The following CD177 variants were observed in gnomAD, a reference collection of about 807,000 sequenced individuals.
CD177 encodes CD177 molecule, also known as CD177 antigen.
Under a neutral mutation model 38.1 loss-of-function variants are expected in CD177, and 41 were observed. That is an observed-to-expected ratio of 1.07 (90% CI 0.84 to 1.39). CD177 has a LOEUF of 1.39. Ranked by LOEUF, CD177 falls within the 40% of genes most tolerant of loss-of-function variation. CD177 has a pLI of 0.00. For synonymous variants in CD177, 236 were observed against 216.7 expected (o/e 1.09, Z -0.78); for missense variants, 619 against 523.8 (o/e 1.18, Z -1.77).
At chr19:43,361,791 G>A (rs890546875) in intron 8 of CD177, among the ~76,000 whole-genome samples, 1 of 147,300 alleles carries the variant, frequency 6.8e-6, no homozygotes, top group African/African-American at 2.5e-5. Context: ...TCCCAGGGAG[G>A]AGGGGCTGGG....
chr19:43,362,288 C>G lies in CD177; in HGVS notation c.1282C>G (p.Leu428Val), dbSNP rs1468198577. 1.9e-6 allele frequency: 3 copies of G among 1,584,778 alleles called. No individual in the cohort carries two copies. In the African/African-American group the frequency reaches 4.0e-5, roughly 21 times the overall value. Residue 428 changes from leucine (L) to valine (V), a missense_variant, in exon 9 of 9, where the codon CTG becomes GTG. Transcript: ENST00000618265. ...WGVGLALAPA[L>V]WWGVVCPSC is the part of the protein sequence containing the mutation. Reference sequence around the variant, plus strand: ...GGTGGGGCTGGCACTGGCCCCAGCGCTGTGGTGGGGAGTGGTTTGCCCTTC... The same window carrying G: ...GGTGGGGCTGGCACTGGCCCCAGCGGTGTGGTGGGGAGTGGTTTGCCCTTC...
Position 43,354,205 on chromosome 19 carries a change from A to G in CD177, c.194-2A>G, listed in dbSNP as rs1350344949. 2 of 1,611,768 alleles carry G rather than the reference A, an allele frequency of 1.2e-6. No homozygotes were observed. The highest frequency in any genetic ancestry group is 4.5e-5 in the East Asian group (2 of 44,808). On this transcript the variant is annotated splice_acceptor_variant, in intron 2 of 8. Transcript: ENST00000618265. LOFTEE classifies it high-confidence loss of function. ...CTCGCTTGCCTCCCTCTTTCGGTCC[A>G]GGACCCCAAGTGAGCCTGGTGCTCT... is the stretch of plus-strand genomic sequence containing the variant.
rs1221949038 is a variant in CD177 at position 43,361,273 on chromosome 19, C to T, written c.891C>T (p.Asp297=). 139 of 1,547,724 alleles carry T rather than the reference C, an allele frequency of 9.0e-5. No homozygotes were observed. In the African/African-American group the frequency reaches 1.8e-3, roughly 20 times the overall value. ...VASYTHFCSS[D]LCNSASSSSV... ...CCTATACCCACTTCTGCTCCTCGGACCTGTGCAATAGTGCCAGCAGCAGCA... is the reference window on the plus strand; with the variant it reads ...CCTATACCCACTTCTGCTCCTCGGATCTGTGCAATAGTGCCAGCAGCAGCA... Residue 297 remains aspartate (D), a synonymous_variant, in exon 7 of 9, where the codon GAC becomes GAT. Coordinates refer to ENST00000618265, the MANE Select transcript of CD177 (RefSeq NM_020406.4).
At position 43,362,364 on chromosome 19, in the gene CD177, C is replaced by A. The variant is rs1234456926; in HGVS notation, c.*44C>A. Reference sequence around the variant, plus strand: ...TCTTCACCGCTGCTGACCACCCACACTCAACCTCCCTCTGACCTCATAACC... The same window carrying A: ...TCTTCACCGCTGCTGACCACCCACAATCAACCTCCCTCTGACCTCATAACC... On this transcript the variant is annotated 3_prime_UTR_variant, in exon 9 of 9. Transcript: ENST00000618265. 1 of 838,996 alleles carries A rather than the reference C, an allele frequency of 1.2e-6. No homozygotes were observed. The highest frequency in any genetic ancestry group is 1.9e-6 in the Non-Finnish European group (1 of 530,204). The allele number at this position is 838,996 out of a possible 1,614,324, so 52.0% of individuals were successfully genotyped here. A position where few individuals can be genotyped will look rare whatever the true frequency, so the allele number is the denominator to read the frequency against.
rs371980619 is a variant in CD177, at chr19:43,354,353, G to T, written c.340G>T (p.Val114Phe). 1.2e-6 allele frequency: 2 copies of T among 1,613,892 alleles called. No homozygotes were observed. The highest frequency in any genetic ancestry group is 1.7e-6 in the Non-Finnish European group (2 of 1,179,850). The change falls in exon 3 of 9, where the codon GTT becomes TTT. Residue 114 changes from valine to phenylalanine, a missense_variant. Transcript: ENST00000618265. ...CRQEDFCNNL[V>F]NSLPLWAPQP... ...CCAGGAGGACTTCTGCAACAACCTCGTTAACTCCCTCCCGCTTTGGGCCCC... is the reference window on the plus strand; with the variant it reads ...CCAGGAGGACTTCTGCAACAACCTCTTTAACTCCCTCCCGCTTTGGGCCCC...
intron 8 of CD177, among the ~76,000 whole-genome samples, 164 bp downstream of exon 8, chr19:43,361,743 G>T: frequency 6.8e-6 from 1 of 146,734 alleles, no homozygotes; most frequent in Non-Finnish European, 1.5e-5. Flanking sequence ...CTGGACTCCT[G>T]GTCTGAGGGA....
At chr19:43,355,550 A>G in intron 3 of CD177, 111 bp from the exon 4 acceptor site, 1 of 1,299,334 alleles carries the variant, frequency 7.7e-7, no homozygotes, top group South Asian at 1.2e-5. Flanking sequence ...CCCCTTTGGG[A>G]AGGCTGAGCA....
Position 43,361,462 on chromosome 19 carries a change from G to A in CD177, c.964G>A (p.Asp322Asn), listed in dbSNP as rs760429281. ...CTCCCCAGCTGCCCCTGTCCCAGGA[G>A]ACCGGCAGTGTCCTACCTGTGTGCA... Reference protein sequence around the residue: ...LPPQAAPVPGDRQCPTCVQPL... With the variant: ...LPPQAAPVPGNRQCPTCVQPL... Residue 322 changes from aspartate (D) to asparagine (N), a missense_variant, in exon 8 of 9, where the codon GAC becomes AAC. Coordinates refer to ENST00000618265, the MANE Select transcript of CD177 (RefSeq NM_020406.4). 6.3e-6 allele frequency: 10 copies of A among 1,583,766 alleles called. No individual in the cohort carries two copies. The highest frequency in any genetic ancestry group is 8.6e-6 in the Non-Finnish European group (10 of 1,159,350).
Position 43,360,259 on chromosome 19 carries a change from C to T in CD177, c.620-6C>T. ...CTTACACACACCCTGGGATTCCTCT[C>T]CCCAGATTTTCTGACCTGTCATCGG... On this transcript the variant is annotated splice_polypyrimidine_tract_variant and splice_region_variant and intron_variant, in intron 5 of 8. Transcript: ENST00000618265. The T allele has an allele frequency of 1.2e-6, 2 of 1,612,574 alleles. No individual in the cohort carries two copies. Among genetic ancestry groups the T allele is most frequent in the Non-Finnish European group, 1.7e-6 (2 of 1,179,400 alleles).
At chr19:43,365,924 GC>G (rs1161228098), downstream of CD177, among the ~76,000 whole-genome samples, 1 of 152,140 alleles carries the variant, frequency 6.6e-6, no homozygotes, top group African/African-American at 2.4e-5. Context: ...TGCTGTGCAT[GC>G]CCCAGGTTAT....
intron 3 of CD177, 180 bp downstream of exon 3, chr19:43,354,572 C>G: frequency 1.5e-6 from 1 of 658,814 alleles, no homozygotes; most frequent in Non-Finnish European, 2.6e-6. Flanking sequence ...CATCCCTCCC[C>G]ACTCACTCCC....
In CD177 at chr19:43,354,370, T is replaced by A; in HGVS notation, c.357T>A (p.Leu119=). The change falls in exon 3 of 9, where the codon CTT becomes CTA. Residue 119 remains leucine (L), a synonymous_variant. Coordinates refer to ENST00000618265, the MANE Select transcript of CD177 (RefSeq NM_020406.4). ...FCNNLVNSLP[L]WAPQPPADPG... is the part of the protein sequence containing the mutation. ...ACAACCTCGTTAACTCCCTCCCGCT[T>A]TGGGCCCCACAGCCCCCAGCAGGTG... The A allele has an allele frequency of 6.2e-7, 1 of 1,613,812 alleles. No homozygotes were observed. Among genetic ancestry groups the A allele is most frequent in the East Asian group, 2.2e-5 (1 of 44,862 alleles).
downstream of CD177, among the ~76,000 whole-genome samples, chr19:43,364,498 G>A (rs2122260528): frequency 6.6e-6 from 1 of 151,522 alleles, no homozygotes; most frequent in African/African-American, 2.4e-5. Context: ...GCCTGCCTTC[G>A]AAAATAGCCT....
At position 43,355,665 on chromosome 19, in the gene CD177, A is replaced by G. The variant is rs149427590; in HGVS notation, c.384A>G (p.Pro128=). The G allele has an allele frequency of 2.0e-3, 3,284 of 1,612,468 alleles. 58 individuals carry two copies. In the East Asian group the frequency reaches 0.035, roughly 17 times the overall value. The change falls in exon 4 of 9, where the codon CCA becomes CCG. Residue 128 remains proline (P), a synonymous_variant. Coordinates refer to ENST00000618265, the MANE Select transcript of CD177 (RefSeq NM_020406.4). ...PLWAPQPPAD[P]GSLRCPVCLS... The stretch of plus-strand genomic sequence containing the variant: ...CTCTGTCTGTCACTTTCCTAGACCC[A>G]GGATCCTTGAGGTGCCCAGTCTGCT...
rs1191882827 is a variant in CD177, at chr19:43,362,995, C to A, written c.*675C>A. The stretch of plus-strand genomic sequence containing the variant: ...ACTTACACCAACCCAGATGGTACAG[C>A]CCAATACACACCCAGGATGGACGCT... On this transcript the variant is annotated 3_prime_UTR_variant, in exon 9 of 9. Transcript: ENST00000618265. 1 of 152,204 alleles carries A rather than the reference C, an allele frequency of 6.6e-6. No homozygotes were observed. Among genetic ancestry groups the A allele is most frequent in the African/African-American group, 2.4e-5 (1 of 41,442 alleles). 9.4% of individuals were successfully genotyped at this position (152,204 alleles called of 1,614,324 possible). A position where few individuals can be genotyped will look rare whatever the true frequency, so the allele number is the denominator to read the frequency against.
In CD177 at chr19:43,362,405, C is replaced by G; in HGVS notation, c.*85C>G. The G allele has an allele frequency of 1.6e-6, 1 of 616,486 alleles. No homozygotes were observed. Among genetic ancestry groups the G allele is most frequent in the Non-Finnish European group, 2.8e-6 (1 of 350,940 alleles). 38.2% of individuals were successfully genotyped at this position (616,486 alleles called of 1,614,324 possible). ...CCTCATAACCTAATGGCCTTGGACA[C>G]CAGATTCTTTCCCATTCTGTCCATG... On this transcript the variant is annotated 3_prime_UTR_variant, in exon 9 of 9. Transcript: ENST00000618265.
At chr19:43,354,505 C>T in intron 3 of CD177, 113 bp downstream of exon 3, 1 of 1,093,828 alleles carries the variant, frequency 9.1e-7, no homozygotes, top group Non-Finnish European at 1.3e-6. Flanking sequence ...CCGACCCTCG[C>T]TGGCTCCATC....
intron 3 of CD177, chr19:43,354,661 T>C (rs182649284): frequency 3.4e-6 from 2 of 592,322 alleles, no homozygotes; most frequent in Non-Finnish European, 6.0e-6. Flanking sequence ...ATTTCTGATA[T>C]GAAATCACCA....
chr19:43,362,037 C>T (rs1969976823), intron 8 of CD177, 51 bp from the exon 9 acceptor site: 3 of 1,528,058 alleles, frequency 2.0e-6, no homozygotes, highest in Non-Finnish European at 1.8e-6. Context: ...GGGTTTACAA[C>T]TTGGCTGGGC....
Sources: allele counts gnomAD v4.1 joint callset (sites outside exome capture counted in the v4.1 genomes callset), GRCh38; gene constraint gnomAD v4.1.1; transcripts MANE v1.5; gene names NCBI Gene and HGNC (gene_info 2026-07-23, HGNC 2026-07-21).